BCAT1: variants seen among roughly 807,000 people sequenced by gnomAD.
The protein encoded by BCAT1 is branched-chain-amino-acid aminotransferase, cytosolic.
In BCAT1, 48 loss-of-function variants were observed where a neutral mutation model predicts 52.4. The ratio of observed to expected loss-of-function variants is 0.92; its 90% confidence interval spans 0.73 to 1.16. The LOEUF is 1.16. Ranked by LOEUF, BCAT1 falls within the 50% of genes most tolerant of loss-of-function variation. The pLI is 0.00. For missense variants in BCAT1, 451 were observed against 457.1 expected, an observed-to-expected ratio of 0.99 and a Z score of 0.12; for synonymous variants, 167 against 161.3, an observed-to-expected ratio of 1.04 and a Z score of -0.27.
chr12:24,826,558 A>G (rs1940406987), intron 10 of BCAT1, among the ~76,000 whole-genome samples: 1 of 152,156 alleles, frequency 6.6e-6, no homozygotes, highest in Non-Finnish European at 1.5e-5. Context: ...TAAATTTTGA[A>G]GTAAGGTAGT....
chr12:24,917,195 C>CTT (rs60491814), intron 1 of BCAT1, among the ~76,000 whole-genome samples: 9,956 of 103,010 alleles, frequency 0.097, 722 homozygotes, highest in South Asian at 0.26. Context: ...GAGCTTTGGA[C>CTT]TTTTTTTTTT....
chr12:24,823,066 T>G, intron 10 of BCAT1, among the ~76,000 whole-genome samples: 1 of 151,886 alleles, frequency 6.6e-6, no homozygotes, highest in East Asian at 1.9e-4. Context: ...TTTGACTTCT[T>G]TTTTTTTCAG....
At chr12:24,938,394 G>T (rs2139756773) in intron 1 of BCAT1, among the ~76,000 whole-genome samples, 1 of 152,278 alleles carries the variant, frequency 6.6e-6, no homozygotes, top group African/African-American at 2.4e-5. Flanking sequence ...GGTTGCAAAG[G>T]TTATTGGGGG....
chr12:24,826,244 T>G (rs545952105), intron 10 of BCAT1, among the ~76,000 whole-genome samples: 10 of 152,330 alleles, frequency 6.6e-5, no homozygotes, highest in African/African-American at 2.4e-4. Context: ...CCTTAATGTT[T>G]TCTTCAAGTA....
intron 1 of BCAT1, among the ~76,000 whole-genome samples, chr12:24,905,014 A>G (rs1195568947): frequency 6.6e-6 from 1 of 152,172 alleles, no homozygotes; most frequent in Non-Finnish European, 1.5e-5. Context: ...AAATTTACTA[A>G]AGGAAGAAGG....
Position 24,949,038 on chromosome 12 carries a change from G to A in BCAT1, c.-106C>T. 6.3e-6 allele frequency: 8 copies of A among 1,261,398 alleles called. No homozygotes were observed. The highest frequency in any genetic ancestry group is 9.0e-6 in the Non-Finnish European group (8 of 891,642). The allele number at this position is 1,261,398 out of a possible 1,614,324, so 78.1% of individuals were successfully genotyped here. ...GTCTGCGGCTGCAGAGCGCGGTCCC[G>A]GCTGCAGCAAGACCTGGGGCAGTGC... is the stretch of plus-strand genomic sequence containing the variant. On this transcript the variant is annotated 5_prime_UTR_variant, in exon 1 of 11. Coordinates refer to ENST00000261192, the MANE Select transcript of BCAT1 (RefSeq NM_005504.7).
chr12:24,835,610 A>T (rs1029409719), intron 8 of BCAT1, among the ~76,000 whole-genome samples: 1 of 150,724 alleles, frequency 6.6e-6, no homozygotes, highest in Non-Finnish European at 1.5e-5. Context: ...ACTTTTAGAG[A>T]CATGGTCTCA....
At chr12:24,832,639 A>T in intron 9 of BCAT1, 84 bp downstream of exon 9, 1 of 1,419,766 alleles carries the variant, frequency 7.0e-7, no homozygotes, top group Non-Finnish European at 9.4e-7. Context: ...GTCTGGGTCC[A>T]GATACAATTT....
intron 1 of BCAT1, chr12:24,903,871 T>C (rs1943177326): frequency 6.6e-6 from 1 of 152,248 alleles, no homozygotes; most frequent in African/African-American, 2.4e-5. Flanking sequence ...GCCTAAATTA[T>C]GAGCCTTCCT....
intron 1 of BCAT1, among the ~76,000 whole-genome samples, chr12:24,910,644 C>CTAAAATAAAA (rs563411853): frequency 3.7e-4 from 56 of 152,244 alleles, no homozygotes; most frequent in African/African-American, 1.3e-3. Flanking sequence ...CCAGCCCTAG[C>CTAAAATAAAA]TAAAGGCCCA....
At chr12:24,846,330 C>T (rs1239694978) in intron 6 of BCAT1, among the ~76,000 whole-genome samples, 1 of 152,280 alleles carries the variant, frequency 6.6e-6, no homozygotes, top group South Asian at 2.1e-4. Flanking sequence ...CAGGTGTAAG[C>T]TGTATTATTA....
intron 5 of BCAT1, among the ~76,000 whole-genome samples, chr12:24,863,619 G>GT (rs1246951134): frequency 6.6e-6 from 1 of 152,238 alleles, no homozygotes; most frequent in Non-Finnish European, 1.5e-5. Flanking sequence ...AGGTGCTACA[G>GT]TGAGTCACCC....
At chr12:24,924,654 A>G (rs1030311157) in intron 1 of BCAT1, among the ~76,000 whole-genome samples, 3 of 152,206 alleles carry the variant, frequency 2.0e-5, no homozygotes, top group Non-Finnish European at 4.4e-5. Context: ...AAACAATGTC[A>G]TTAAAAAAAA....
chr12:24,945,700 G>A (rs1161748775), intron 1 of BCAT1: 1 of 152,158 alleles, frequency 6.6e-6, no homozygotes, highest in Non-Finnish European at 1.5e-5. Context: ...TGGGCATGGT[G>A]GTAATCCCAG....
At chr12:24,926,380 T>G (rs1943586375) in intron 1 of BCAT1, among the ~76,000 whole-genome samples, 1 of 150,488 alleles carries the variant, frequency 6.6e-6, no homozygotes, top group African/African-American at 2.5e-5. Context: ...GGGAGGGAGG[T>G]TGGGGGTGCC....
intron 4 of BCAT1, among the ~76,000 whole-genome samples, chr12:24,879,784 T>C (rs1282617920): frequency 6.6e-6 from 1 of 152,252 alleles, no homozygotes; most frequent in African/African-American, 2.4e-5. Context: ...GGACTCAAGT[T>C]TTCTTCTCTG....
At position 24,817,075 on chromosome 12, in the gene BCAT1, C is replaced by T. The variant is rs1217004901; in HGVS notation, c.*933G>A. The T allele has an allele frequency of 6.5e-6, 1 of 153,458 alleles. No individual in the cohort carries two copies. Among genetic ancestry groups the T allele is most frequent in the African/African-American group, 2.4e-5 (1 of 41,506 alleles). The allele number at this position is 153,458 out of a possible 1,614,324, so 9.5% of individuals were successfully genotyped here. A position where few individuals can be genotyped will look rare whatever the true frequency, so the allele number is the denominator to read the frequency against. On this transcript the variant is annotated 3_prime_UTR_variant, in exon 11 of 11. Transcript: ENST00000261192. ...CTTCAATTCCAAGATAATTCTAATA[C>T]AATCAATATGAAGTGATTTCCTAAA...
chr12:24,896,983 T>C (rs1210637875), intron 2 of BCAT1, among the ~76,000 whole-genome samples: 1 of 152,218 alleles, frequency 6.6e-6, no homozygotes, highest in Non-Finnish European at 1.5e-5. Flanking sequence ...ACAAACTTTT[T>C]ATTACATGAA....
chr12:24,821,027 G>A (rs1940102928), intron 10 of BCAT1, among the ~76,000 whole-genome samples: 1 of 152,132 alleles, frequency 6.6e-6, no homozygotes, highest in Admixed American at 6.5e-5. Flanking sequence ...GCTGGAAACA[G>A]AAGGGGCTGG....
Sources: gnomAD v4.1 joint callset for allele counts (sites outside exome capture counted in the v4.1 genomes callset) on GRCh38, gnomAD v4.1.1 for gene constraint, MANE v1.5 for transcripts, NCBI Gene and HGNC (gene_info 2026-07-23, HGNC 2026-07-21) for gene names.